NBEA: variants seen among roughly 807,000 people sequenced by gnomAD.
NBEA encodes neurobeachin.
NBEA carries 44 observed loss-of-function variants against 343.4 expected under a neutral mutation model. That is an observed-to-expected ratio of 0.13 (90% CI 0.10 to 0.16). NBEA has a LOEUF of 0.16. Ranked by LOEUF, NBEA falls within the 10% of genes least tolerant of loss-of-function variation. The pLI is 1.00. For missense variants in NBEA, 2,555 were observed against 3,631.3 expected, an observed-to-expected ratio of 0.70 and a Z score of 7.62; for synonymous variants, 1,175 against 1,238.7, an observed-to-expected ratio of 0.95 and a Z score of 1.08.
At chr13:35,668,794 A>G (rs9565462) in intron 58 of NBEA, among the ~76,000 whole-genome samples, 25,112 of 152,222 alleles carry the variant, frequency 0.16, 2,263 homozygotes, top group East Asian at 0.26. Flanking sequence ...ACTCCCACCA[A>G]GTTCCCTGTT....
chr13:35,130,860 G>GA (rs1266684149), intron 17 of NBEA, among the ~76,000 whole-genome samples: 2 of 151,852 alleles, frequency 1.3e-5, no homozygotes, highest in Admixed American at 1.3e-4. Context: ...TTAGAAAATA[G>GA]AAATATATAT....
chr13:35,518,756 G>T (rs1243717701), intron 41 of NBEA, among the ~76,000 whole-genome samples: 1 of 152,010 alleles, frequency 6.6e-6, no homozygotes, highest in Non-Finnish European at 1.5e-5. Flanking sequence ...GCAGTCACAA[G>T]ATCCCAATTA....
At chr13:35,188,094 T>G (rs1319410881) in intron 30 of NBEA, among the ~76,000 whole-genome samples, 1 of 152,148 alleles carries the variant, frequency 6.6e-6, no homozygotes, top group Non-Finnish European at 1.5e-5. Context: ...GTGCTTTGTT[T>G]AATCGTTTAT....
chr13:35,005,700 T>G (rs1008104150), intron 1 of NBEA, among the ~76,000 whole-genome samples: 1 of 152,168 alleles, frequency 6.6e-6, no homozygotes. Flanking sequence ...AGCACCTAGC[T>G]GGAGCACTTA....
At chr13:35,398,061 A>T (rs1369966320) in intron 38 of NBEA, among the ~76,000 whole-genome samples, 2 of 152,090 alleles carry the variant, frequency 1.3e-5, no homozygotes, top group African/African-American at 4.8e-5. Flanking sequence ...CTGCTTTATC[A>T]ATTAAGTTTG....
intron 33 of NBEA, among the ~76,000 whole-genome samples, chr13:35,229,570 TTTTAA>T (rs1316203935): frequency 6.6e-6 from 1 of 152,122 alleles, no homozygotes; most frequent in Non-Finnish European, 1.5e-5. Flanking sequence ...TTAACATAGC[TTTTAA>T]TTTATTTTTT....
intron 16 of NBEA, among the ~76,000 whole-genome samples, chr13:35,123,254 C>A (rs1390055839): frequency 6.6e-6 from 1 of 152,124 alleles, no homozygotes; most frequent in Non-Finnish European, 1.5e-5. Context: ...GGAGGCAGTA[C>A]TTATGAACAC....
chr13:35,483,334 A>G (rs933587813), intron 41 of NBEA, among the ~76,000 whole-genome samples: 3 of 151,934 alleles, frequency 2.0e-5, no homozygotes, highest in African/African-American at 7.2e-5. Flanking sequence ...TTCTAGCTTT[A>G]TGGCACTAGA....
In NBEA at chr13:35,668,619, T is replaced by C. The variant is rs886404953; in HGVS notation, c.8813+100T>C. Reference sequence around the variant, plus strand: ...TTGTGCTGTGAGTGCAATTCCAGCATCCAAATGAAAGAAAGACTGGCAAAG... The same window carrying C: ...TTGTGCTGTGAGTGCAATTCCAGCACCCAAATGAAAGAAAGACTGGCAAAG... On this transcript the variant is annotated intron_variant, in intron 58 of 58. Transcript: ENST00000379939. 17 of 1,193,802 alleles carry C rather than the reference T, an allele frequency of 1.4e-5. No individual in the cohort carries two copies. The African/African-American group carries it at 2.5e-4, about 18-fold the overall frequency. 74.0% of individuals were successfully genotyped at this position (1,193,802 alleles called of 1,614,324 possible).
intron 40 of NBEA, among the ~76,000 whole-genome samples, chr13:35,464,306 C>T (rs2047059556): frequency 6.6e-6 from 1 of 151,242 alleles, no homozygotes; most frequent in Non-Finnish European, 1.5e-5. Flanking sequence ...CCTTACACAT[C>T]CTCATCTCTG....
rs1262992775 is a variant in NBEA at position 34,942,973 on chromosome 13, C to A, written c.153C>A (p.Ser51=). The A allele has an allele frequency of 6.2e-7, 1 of 1,604,224 alleles. No homozygotes were observed. Among genetic ancestry groups the A allele is most frequent in the Non-Finnish European group, 8.5e-7 (1 of 1,175,574 alleles). Residue 51 remains serine, a synonymous_variant, in exon 1 of 59, where the codon TCC becomes TCA. Transcript: ENST00000379939. ...GMGELRGASG[S]GSVMLPAGMI... ...GGGAGCTAAGGGGGGCGTCCGGCTC[C>A]GGCTCGGTGATGCTCCCCGCGGGGA... is the stretch of plus-strand genomic sequence containing the variant.
intron 41 of NBEA, among the ~76,000 whole-genome samples, chr13:35,509,107 G>C (rs578126488): frequency 6.6e-6 from 1 of 152,198 alleles, no homozygotes; most frequent in East Asian, 1.9e-4. Context: ...TGTGTCTCTT[G>C]TCTGACCTGT....
intron 10 of NBEA, among the ~76,000 whole-genome samples, chr13:35,086,547 G>A (rs998191193): frequency 1.3e-5 from 2 of 151,870 alleles, no homozygotes; most frequent in African/African-American, 4.8e-5. Flanking sequence ...AATGTCTTTA[G>A]CCATTTGCCT....
At chr13:35,263,824 G>C (rs1368800006) in intron 34 of NBEA, among the ~76,000 whole-genome samples, 3 of 151,854 alleles carry the variant, frequency 2.0e-5, no homozygotes, top group Non-Finnish European at 4.4e-5. Flanking sequence ...CATCAAAAAA[G>C]AAGAAAGATC....
At chr13:35,085,002 C>G (rs985804441) in intron 10 of NBEA, among the ~76,000 whole-genome samples, 17 of 152,130 alleles carry the variant, frequency 1.1e-4, no homozygotes, top group African/African-American at 4.1e-4. Flanking sequence ...ATGAATTCCT[C>G]GACACATACA....
intron 57 of NBEA, 62 bp downstream of exon 57, chr13:35,667,632 T>A: frequency 1.4e-6 from 2 of 1,382,548 alleles, no homozygotes; most frequent in South Asian, 2.5e-5. Context: ...TTGATTGTTT[T>A]ACATTAAATA....
intron 6 of NBEA, among the ~76,000 whole-genome samples, chr13:35,051,638 T>C (rs1240427671): frequency 1.3e-5 from 2 of 152,038 alleles, no homozygotes; most frequent in African/African-American, 4.8e-5. Context: ...GTGTATTCTT[T>C]CTTTTTTAAT....
At chr13:35,492,991 G>A (rs576510447) in intron 41 of NBEA, among the ~76,000 whole-genome samples, 26 of 152,016 alleles carry the variant, frequency 1.7e-4, no homozygotes, top group Middle Eastern at 3.4e-3. Flanking sequence ...TTTACTAAGC[G>A]GAATATGGAC....
Position 35,159,775 on chromosome 13 carries a change from A to G in NBEA, c.3604A>G (p.Ile1202Val). 6.2e-7 allele frequency: 1 copy of G among 1,612,970 alleles called. No homozygotes were observed. The highest frequency in any genetic ancestry group is 8.5e-7 in the Non-Finnish European group (1 of 1,179,476). ...CGTAGACTTAACTTGTACATCCAGT[A>G]TAATAGAAGAAAAAGAATTCAAAAT... is the stretch of plus-strand genomic sequence containing the variant. ...GSVDLTCTSS[I>V]IEEKEFKIHT... The change falls in exon 22 of 59, where the codon ATA (isoleucine) becomes GTA (valine). Residue 1202 changes from isoleucine to valine, a missense_variant. By Grantham distance (29) the Ile-to-Val change is conservative (BLOSUM62 3). Around this residue, in one of 21 missense-constraint regions of NBEA, gnomAD observed 367 missense variants for 377.5 expected, o/e 0.97. Coordinates refer to ENST00000379939, the MANE Select transcript of NBEA (RefSeq NM_001385012.1).
Sources: gnomAD v4.1 joint callset for allele counts (sites outside exome capture counted in the v4.1 genomes callset) on GRCh38, gnomAD v4.1.1 for gene constraint, gnomAD v4.1.1 regional missense constraint, MANE v1.5 for transcripts, NCBI Gene and HGNC (gene_info 2026-07-23, HGNC 2026-07-21) for gene names.